GRM8: variants seen among roughly 807,000 people sequenced by gnomAD.
GRM8 encodes the protein metabotropic glutamate receptor 8.
In GRM8, 47 loss-of-function variants were observed where a neutral mutation model predicts 87.2. The ratio of observed to expected loss-of-function variants is 0.54; its 90% CI spans 0.43 to 0.69. The LOEUF (loss-of-function observed/expected upper bound fraction) is 0.69, where lower values mean the gene tolerates loss of function less well. GRM8 is among the 30% of genes least tolerant of loss of function. The pLI is 0.00. For synonymous variants in GRM8, 396 were observed against 404.5 expected, an observed-to-expected ratio of 0.98 and a Z score of 0.25; for missense variants, 1,019 against 1,139.2, an observed-to-expected ratio of 0.89 and a Z score of 1.52.
chr7:126,516,450 G>C (rs375556324), intron 9 of GRM8, among the ~76,000 whole-genome samples: 2 of 152,064 alleles, frequency 1.3e-5, no homozygotes, highest in Admixed American at 1.3e-4. Context: ...TGTTGGAATG[G>C]TTTCAAATAG....
chr7:126,561,400 C>A (rs992252976), intron 8 of GRM8, among the ~76,000 whole-genome samples: 1 of 151,404 alleles, frequency 6.6e-6, no homozygotes, highest in Admixed American at 6.6e-5. Context: ...GAACCCAGGG[C>A]GGAGGTTGCA....
rs369765917 is a variant in GRM8 at position 126,803,246 on chromosome 7, A to C, written c.1157-33181T>G. ...TTGGAACCTTGTGTCTGAAGTTCAG[A>C]GAAGCTACCAGCAGGTGGCAATATT... On this transcript the variant is annotated intron_variant, in intron 6 of 10. Coordinates refer to ENST00000339582, the MANE Select transcript of GRM8 (RefSeq NM_000845.3). Among the ~76,000 whole-genome samples the C allele has an allele frequency of 2.8e-4, 42 of 152,310 alleles. No homozygotes were observed. In the East Asian group the frequency reaches 7.7e-3, roughly 28 times the overall value.
intron 9 of GRM8, among the ~76,000 whole-genome samples, chr7:126,531,989 A>G (rs1186271003): frequency 6.6e-6 from 1 of 152,240 alleles, no homozygotes; most frequent in Non-Finnish European, 1.5e-5. Flanking sequence ...CATGCCCATC[A>G]GGGCAGAAGG....
chr7:127,010,493 A>G (rs1814777764), intron 3 of GRM8, among the ~76,000 whole-genome samples: 1 of 152,178 alleles, frequency 6.6e-6, no homozygotes, highest in Non-Finnish European at 1.5e-5. Flanking sequence ...ATAAAACCAA[A>G]CAAGAAAAAA....
chr7:126,819,475 G>A (rs567097979), intron 6 of GRM8, among the ~76,000 whole-genome samples: 3 of 152,178 alleles, frequency 2.0e-5, no homozygotes, highest in African/African-American at 7.2e-5. Flanking sequence ...TTTCATGGGG[G>A]AAGTAATCGT....
At chr7:126,525,135 G>C (rs532525970) in intron 9 of GRM8, among the ~76,000 whole-genome samples, 1 of 152,200 alleles carries the variant, frequency 6.6e-6, no homozygotes, top group Non-Finnish European at 1.5e-5. Context: ...TGTTTTCTTT[G>C]TTTGAGAGGG....
chr7:126,905,914 A>T (rs1010778918), intron 3 of GRM8, among the ~76,000 whole-genome samples: 22 of 152,354 alleles, frequency 1.4e-4, no homozygotes, highest in Admixed American at 3.3e-4. Context: ...AAAACCTAGC[A>T]TGATCATGGC....
intron 6 of GRM8, among the ~76,000 whole-genome samples, chr7:126,796,467 A>G (rs1821964578): frequency 6.6e-6 from 1 of 152,142 alleles, no homozygotes; most frequent in Non-Finnish European, 1.5e-5. Flanking sequence ...TGGATGACTT[A>G]AATGACCTTC....
At chr7:126,966,439 A>G (rs1809871971) in intron 3 of GRM8, among the ~76,000 whole-genome samples, 2 of 152,028 alleles carry the variant, frequency 1.3e-5, no homozygotes, top group South Asian at 4.1e-4. Context: ...CTGGCCAGAG[A>G]TTTCCTCAAG....
chr7:126,655,013 TG>T (rs1212873524), intron 7 of GRM8, among the ~76,000 whole-genome samples: 1 of 152,114 alleles, frequency 6.6e-6, no homozygotes. Flanking sequence ...ATGCAAGAAG[TG>T]ACCCAAAGAA....
chr7:126,609,373 G>A lies in GRM8; in HGVS notation c.1483C>T (p.Leu495Phe). 6.2e-7 allele frequency: 1 copy of A among 1,613,044 alleles called. No individual in the cohort carries two copies. The highest frequency in any genetic ancestry group is 8.5e-7 in the Non-Finnish European group (1 of 1,179,254). Reference sequence around the variant, plus strand: ...ATGACGATACTTGCTTTTAGATGAAGCTGATTGGTCCAGTGGCCGATGACT... The same window carrying A: ...ATGACGATACTTGCTTTTAGATGAAACTGATTGGTCCAGTGGCCGATGACT... ...YKVIGHWTNQ[L>F]HLKVEDMQWA... Residue 495 changes from leucine (L) to phenylalanine (F), a missense_variant, in exon 8 of 11, where the codon CTT becomes TTT. By Grantham distance (22) the Leu-to-Phe change is conservative. Coordinates refer to ENST00000339582, the MANE Select transcript of GRM8 (RefSeq NM_000845.3).
rs118068848 is a variant in GRM8 at position 126,510,924 on chromosome 7, T to C, written c.2430+22028A>G. Among the ~76,000 whole-genome samples, 342 of 152,214 alleles carry C rather than the reference T, an allele frequency of 2.2e-3. 3 individuals carry two copies. The highest frequency in any genetic ancestry group is 3.8e-3 in the Non-Finnish European group (260 of 67,984). On this transcript the variant is annotated intron_variant, in intron 9 of 10. Transcript: ENST00000339582. Reference sequence around the variant, plus strand: ...CTTGAGGGCTTGCAATAGAGCTACATGGAGATTTAATCAGTGGCCTTGGAC... The same window carrying C: ...CTTGAGGGCTTGCAATAGAGCTACACGGAGATTTAATCAGTGGCCTTGGAC...
intron 6 of GRM8, among the ~76,000 whole-genome samples, chr7:126,815,318 G>C (rs1222854048): frequency 5.9e-5 from 9 of 152,078 alleles, no homozygotes. Flanking sequence ...GGCCACCTTT[G>C]AAGCATTCTA....
In GRM8 at chr7:126,795,717, T is replaced by C. The variant is rs553850115; in HGVS notation, c.1157-25652A>G. Among the ~76,000 whole-genome samples the C allele has an allele frequency of 1.2e-4, 18 of 152,200 alleles. No homozygotes were observed. The South Asian group carries it at 3.7e-3, about 32-fold the overall frequency. ...TTAGGAGCCTTTAGACATTATCCAATTGTCCAATGAATGGGGATCCATGTG... is the reference window on the plus strand; with the variant it reads ...TTAGGAGCCTTTAGACATTATCCAACTGTCCAATGAATGGGGATCCATGTG... On this transcript the variant is annotated intron_variant, in intron 6 of 10. Transcript: ENST00000339582.
intron 6 of GRM8, among the ~76,000 whole-genome samples, chr7:126,853,530 T>G (rs1178958328): frequency 2.0e-5 from 3 of 152,174 alleles, no homozygotes; most frequent in African/African-American, 7.2e-5. Context: ...AAACATACAA[T>G]TGAACCAAGT....
At chr7:126,618,788 G>A (rs1310784587) in intron 7 of GRM8, among the ~76,000 whole-genome samples, 2 of 152,096 alleles carry the variant, frequency 1.3e-5, no homozygotes, top group Admixed American at 6.6e-5. Context: ...CATCATCACT[G>A]GCCATCAGAG....
intron 7 of GRM8, among the ~76,000 whole-genome samples, chr7:126,679,681 T>A (rs1807337836): frequency 6.6e-6 from 1 of 152,162 alleles, no homozygotes; most frequent in Non-Finnish European, 1.5e-5. Flanking sequence ...AATAGGGTGA[T>A]GAAACCCAAT....
intron 8 of GRM8, among the ~76,000 whole-genome samples, chr7:126,553,302 G>A (rs186869646): frequency 1.3e-5 from 2 of 152,222 alleles, no homozygotes; most frequent in East Asian, 1.9e-4. Flanking sequence ...TCCAGAAAAT[G>A]TACAGCTCTG....
intron 9 of GRM8, among the ~76,000 whole-genome samples, chr7:126,505,247 C>G (rs966427300): frequency 2.6e-5 from 4 of 152,054 alleles, no homozygotes; most frequent in Non-Finnish European, 5.9e-5. Flanking sequence ...ATTCTGTAGG[C>G]TTATAATAAA....
Sources: allele counts gnomAD v4.1 joint callset (sites outside exome capture counted in the v4.1 genomes callset), GRCh38; gene constraint gnomAD v4.1.1; transcripts MANE v1.5; gene names NCBI Gene and HGNC (gene_info 2026-07-23, HGNC 2026-07-21).